Variants in BTG4 observed in about 807,000 individuals in gnomAD.
BTG4 encodes the protein protein BTG4.
In BTG4, 10 loss-of-function variants were observed where a neutral mutation model predicts 19.3. The observed-to-expected ratio is 0.52, with a 90% CI of 0.32 to 0.88. The LOEUF (loss-of-function observed/expected upper bound fraction) is 0.88. Ranked by LOEUF, BTG4 falls within the 40% of genes least tolerant of loss-of-function variation. The probability of loss-of-function intolerance (pLI) is 0.04; values close to 1 mark genes in which losing one functional copy is unlikely to be tolerated. For synonymous variants in BTG4, 91 were observed against 95.7 expected, an observed-to-expected ratio of 0.95 and a Z score of 0.29; for missense variants, 238 against 281.9, an observed-to-expected ratio of 0.84 and a Z score of 1.11.
intron 5 of BTG4, among the ~76,000 whole-genome samples, chr11:111,481,932 T>C (rs1327519004): frequency 6.6e-6 from 1 of 151,820 alleles, no homozygotes; most frequent in Non-Finnish European, 1.5e-5. Context: ...TATCTGTTCT[T>C]AGCACTCCTA....
At chr11:111,503,781 T>A (rs986284866) in intron 1 of BTG4, among the ~76,000 whole-genome samples, 1 of 152,124 alleles carries the variant, frequency 6.6e-6, no homozygotes, top group Admixed American at 6.6e-5. Context: ...CAAGTAATAG[T>A]TTCTAGAATT....
chr11:111,422,739 C>A, the BTG4 span, among the ~76,000 whole-genome samples: 1 of 152,152 alleles, frequency 6.6e-6, no homozygotes, highest in Non-Finnish European at 1.5e-5. Flanking sequence ...AGGTCCCTCC[C>A]CTGCTCAATA....
chr11:111,473,897 T>C (rs1864234351), intron 5 of BTG4, among the ~76,000 whole-genome samples: 2 of 152,174 alleles, frequency 1.3e-5, no homozygotes, highest in East Asian at 3.8e-4. Flanking sequence ...ACCACAAAGA[T>C]ACCAACTGCT....
chr11:111,456,074 C>T, the BTG4 span, among the ~76,000 whole-genome samples: 2 of 152,134 alleles, frequency 1.3e-5, no homozygotes, highest in Non-Finnish European at 2.9e-5. The surrounding 1 kb of genome is among the most constrained non-coding windows in gnomAD (Gnocchi z 4.2). Flanking sequence ...GAAGAAGGAG[C>T]CTCGAAAGTG....
At chr11:111,504,921 A>G (rs1866345043) in intron 1 of BTG4, among the ~76,000 whole-genome samples, 1 of 152,100 alleles carries the variant, frequency 6.6e-6, no homozygotes, top group Non-Finnish European at 1.5e-5. Context: ...AAGGAGGTGA[A>G]AGATCTCTAC....
the BTG4 span, among the ~76,000 whole-genome samples, chr11:111,426,868 G>A: frequency 1.2e-4 from 19 of 152,306 alleles, no homozygotes; most frequent in African/African-American, 4.3e-4. Flanking sequence ...CAAAGTGTAT[G>A]TGCCTTAGCA....
chr11:111,478,287 G>A (rs748021107), intron 5 of BTG4, among the ~76,000 whole-genome samples: 46 of 152,154 alleles, frequency 3.0e-4, no homozygotes, highest in Non-Finnish European at 6.6e-4. Context: ...CCTTTCTTGG[G>A]TATTAATGGA....
chr11:111,495,772 C>A (rs1865688271), intron 4 of BTG4, among the ~76,000 whole-genome samples: 1 of 152,110 alleles, frequency 6.6e-6, no homozygotes, highest in African/African-American at 2.4e-5. Context: ...TGGAAGAAGA[C>A]CTTTCTAAAA....
chr11:111,447,281 G>A, the BTG4 span, among the ~76,000 whole-genome samples: 1 of 152,200 alleles, frequency 6.6e-6, no homozygotes, highest in Non-Finnish European at 1.5e-5. Flanking sequence ...TATTCTTTAA[G>A]AGCACTTGAC....
chr11:111,489,175 T>C (rs1021373827), intron 5 of BTG4, among the ~76,000 whole-genome samples: 1 of 149,166 alleles, frequency 6.7e-6, no homozygotes, highest in Non-Finnish European at 1.5e-5. Context: ...CCAACAGGTA[T>C]GTGAAAAAAA....
the BTG4 span, among the ~76,000 whole-genome samples, chr11:111,439,424 T>G: frequency 0.028 from 4,247 of 151,988 alleles, 94 homozygotes; most frequent in Admixed American, 0.048. Flanking sequence ...CAGCCGCAGA[T>G]GGAGCAGGAG....
the BTG4 span, chr11:111,455,861 C>T: frequency 4.4e-5 from 20 of 455,224 alleles, no homozygotes; most frequent in Admixed American, 7.1e-5. Flanking sequence ...GGCACTGGGG[C>T]GGAGCTACTG....
intron 5 of BTG4, among the ~76,000 whole-genome samples, chr11:111,475,693 A>G (rs748336029): frequency 3.3e-5 from 5 of 152,188 alleles, no homozygotes; most frequent in Non-Finnish European, 7.4e-5. Context: ...TACAAAGCCA[A>G]TGCTTGAAAT....
rs1482089221 is a variant in BTG4 at position 111,498,781 on chromosome 11, C to G, written c.-5G>C. 6.3e-7 allele frequency: 1 copy of G among 1,596,744 alleles called. No homozygotes were observed. The highest frequency in any genetic ancestry group is 1.1e-5 in the South Asian group (1 of 87,790). On this transcript the variant is annotated 5_prime_UTR_variant, in exon 2 of 5. Transcript: ENST00000692032. ...TGTTGCAATTTCATCTCTCATGATT[C>G]AAGAAAAATAGATAAGGAGGTCTGA... is the stretch of plus-strand genomic sequence containing the variant.
At chr11:111,470,752 A>G (rs1209839944) in intron 5 of BTG4, among the ~76,000 whole-genome samples, 1 of 152,054 alleles carries the variant, frequency 6.6e-6, no homozygotes. Context: ...CCCCATCTCT[A>G]CAAAAATAAA....
the BTG4 span, among the ~76,000 whole-genome samples, chr11:111,408,907 A>C: frequency 6.6e-6 from 1 of 152,222 alleles, no homozygotes; most frequent in African/African-American, 2.4e-5. Context: ...GTGATCAAGG[A>C]GACACAAGGT....
chr11:111,422,175 T>G, the BTG4 span, among the ~76,000 whole-genome samples: 7 of 152,218 alleles, frequency 4.6e-5, no homozygotes, highest in African/African-American at 1.4e-4. Flanking sequence ...GAGGGTCTTC[T>G]GGTCTCAGCG....
chr11:111,416,103 G>T, the BTG4 span: 1 of 152,190 alleles, frequency 6.6e-6, no homozygotes, highest in African/African-American at 2.4e-5. Context: ...TTAAGTTCCA[G>T]GATATTTTTC....
chr11:111,385,110 CAAAAGTT>C, the BTG4 span: 1 of 152,096 alleles, frequency 6.6e-6, no homozygotes, highest in Non-Finnish European at 1.5e-5. Flanking sequence ...AAAAATAAAA[CAAAAGTT>C]AAACTTTTAA....
Sources: allele counts gnomAD v4.1 joint callset (sites outside exome capture counted in the v4.1 genomes callset), GRCh38; gene constraint gnomAD v4.1.1; non-coding constraint Gnocchi (gnomAD v3.1); transcripts MANE v1.5; gene names NCBI Gene and HGNC (gene_info 2026-07-23, HGNC 2026-07-21).